DACH2: variants seen among roughly 807,000 people sequenced by gnomAD.
DACH2 encodes the protein dachshund family transcription factor 2.
Under a neutral mutation model 35.8 loss-of-function variants are expected in DACH2, and 17 were observed. That is an observed-to-expected ratio of 0.48 (90% CI 0.33 to 0.71). The LOEUF (loss-of-function observed/expected upper bound fraction) is 0.71, where lower values mean the gene tolerates loss of function less well. Among genes scored for constraint, DACH2 ranks in the 30% least tolerant of loss-of-function variants. The pLI is 0.02. For missense variants in DACH2, 469 were observed against 472.7 expected, an observed-to-expected ratio of 0.99 and a Z score of 0.07; for synonymous variants, 195 against 177.3, an observed-to-expected ratio of 1.10 and a Z score of -0.79.
chrX:86,549,084 A>G (rs1964376612), intron 3 of DACH2, among the ~76,000 whole-genome samples: 1 of 111,731 alleles, frequency 9.0e-6, no homozygotes, highest in South Asian at 3.7e-4. Context: ...TTCATTTAAC[A>G]AAACTAGATG....
chrX:86,782,862 G>A (rs2042101556), intron 7 of DACH2, among the ~76,000 whole-genome samples: 1 of 101,363 alleles, frequency 9.9e-6, no homozygotes, highest in Non-Finnish European at 2.0e-5. Flanking sequence ...AAAATTTCTT[G>A]AGCAATACCC....
Position 86,832,107 on chromosome X carries a change from A to C in DACH2, c.1752A>C (p.Gly584=). Residue 584 remains glycine (G), a splice_region_variant and synonymous_variant, in exon 12 of 12, where the codon GGA becomes GGC. Coordinates refer to ENST00000373125, the MANE Select transcript of DACH2 (RefSeq NM_053281.3). ...GTPHDSAAMQ[G]GNYYCLEMAQ... is the part of the protein sequence containing the mutation. ...TAACTTGTTTTCTTTTTTTTTAAGG[A>C]GGTAACTATTACTGTTTAGAAATGG... The C allele has an allele frequency of 3.4e-6, 4 of 1,176,309 alleles. No homozygotes were observed. The highest frequency in any genetic ancestry group is 4.6e-6 in the Non-Finnish European group (4 of 867,368).
intron 1 of DACH2, among the ~76,000 whole-genome samples, chrX:86,152,610 T>G (rs2147855933): frequency 8.9e-6 from 1 of 111,916 alleles, no homozygotes; most frequent in South Asian, 3.7e-4. Context: ...ATTAAAACTC[T>G]TGACCATTCA....
chrX:86,223,718 G>C (rs758408215), intron 1 of DACH2, among the ~76,000 whole-genome samples: 1 of 111,953 alleles, frequency 8.9e-6, no homozygotes, highest in Non-Finnish European at 1.9e-5. Context: ...CCGTTTTCAA[G>C]AGAAGGTCCA....
chrX:86,246,538 C>G (rs948419514), intron 1 of DACH2, among the ~76,000 whole-genome samples: 2 of 111,767 alleles, frequency 1.8e-5, no homozygotes, highest in African/African-American at 6.5e-5. Context: ...AAAGGAATTC[C>G]AAACAAGAAT....
chrX:86,613,474 T>G (rs2039970195), intron 3 of DACH2, among the ~76,000 whole-genome samples: 1 of 111,841 alleles, frequency 8.9e-6, no homozygotes, highest in Non-Finnish European at 1.9e-5. Flanking sequence ...ACTATTCTGT[T>G]ACTATAGACT....
intron 2 of DACH2, among the ~76,000 whole-genome samples, chrX:86,484,274 T>C (rs1433403629): frequency 1.8e-5 from 2 of 111,834 alleles, no homozygotes; most frequent in Non-Finnish European, 3.8e-5. Context: ...TATCAAAGTA[T>C]AGTCATAGTT....
chrX:86,642,818 C>A (rs918069952), intron 3 of DACH2, among the ~76,000 whole-genome samples: 5 of 111,544 alleles, frequency 4.5e-5, no homozygotes, highest in African/African-American at 1.6e-4. Flanking sequence ...AAAAAACATA[C>A]AATTATATGA....
At chrX:86,177,812 G>C (rs1448290545) in intron 1 of DACH2, among the ~76,000 whole-genome samples, 1 of 109,674 alleles carries the variant, frequency 9.1e-6, no homozygotes, top group Non-Finnish European at 1.9e-5. Flanking sequence ...TTTTAGTTTT[G>C]TGGGATTGAT....
chrX:86,420,995 G>T (rs2036792450), intron 2 of DACH2, among the ~76,000 whole-genome samples: 2 of 110,843 alleles, frequency 1.8e-5, no homozygotes, highest in Non-Finnish European at 3.8e-5. Context: ...GAGTTTTCAG[G>T]AACTGATGGT....
rs777033531 is a variant in DACH2, at chrX:86,539,767, C to T, written c.640+25376C>T. On this transcript the variant is annotated intron_variant, in intron 3 of 11. Transcript: ENST00000373125. Reference sequence around the variant, plus strand: ...TAATGAAGATAATAAGTGTCAGCCTCATACATTTGTTATAAAACTTAAATG... The same window carrying T: ...TAATGAAGATAATAAGTGTCAGCCTTATACATTTGTTATAAAACTTAAATG... 1.6e-3 allele frequency among the ~76,000 whole-genome samples: 182 copies of T among 111,574 alleles called. 1 individual carries two copies. The highest frequency in any genetic ancestry group is 4.1e-3 in the South Asian group (11 of 2,695).
intron 3 of DACH2, among the ~76,000 whole-genome samples, chrX:86,550,238 A>G (rs1002287714): frequency 5.4e-5 from 6 of 111,706 alleles, no homozygotes; most frequent in African/African-American, 1.9e-4. Context: ...GCCAATAAAG[A>G]AAGAATAGAG....
At chrX:86,817,846 T>C (rs777211119) in intron 11 of DACH2, among the ~76,000 whole-genome samples, 1 of 112,220 alleles carries the variant, frequency 8.9e-6, no homozygotes, top group African/African-American at 3.2e-5. Context: ...ATTTTGCATA[T>C]TTACTTGCAC....
At chrX:86,571,885 A>G (rs2039374553) in intron 3 of DACH2, among the ~76,000 whole-genome samples, 1 of 111,407 alleles carries the variant, frequency 9.0e-6, no homozygotes, top group African/African-American at 3.3e-5. Flanking sequence ...GTGCATGGAC[A>G]TATATAGCTC....
At chrX:86,382,376 A>G (rs1459065539) in intron 2 of DACH2, among the ~76,000 whole-genome samples, 2 of 108,765 alleles carry the variant, frequency 1.8e-5, no homozygotes, top group African/African-American at 6.7e-5. Flanking sequence ...AAACTGTCTA[A>G]TATTACAGGA....
intron 3 of DACH2, among the ~76,000 whole-genome samples, chrX:86,518,618 G>A (rs2038507581): frequency 1.8e-5 from 2 of 111,574 alleles, no homozygotes; most frequent in South Asian, 7.5e-4. Flanking sequence ...CACCTCCCTG[G>A]TTAGCTCTAT....
chrX:86,657,404 G>T (rs751516590), intron 4 of DACH2, among the ~76,000 whole-genome samples: 30 of 110,829 alleles, frequency 2.7e-4, no homozygotes, highest in Non-Finnish European at 4.2e-4. Flanking sequence ...AACCTAGTTA[G>T]ATCCACAAAT....
At chrX:86,467,103 A>T (rs1569412165) in intron 2 of DACH2, among the ~76,000 whole-genome samples, 1 of 111,979 alleles carries the variant, frequency 8.9e-6, no homozygotes, top group Non-Finnish European at 1.9e-5. Flanking sequence ...TCCTCAGAAA[A>T]TGAGTTTTTC....
intron 1 of DACH2, among the ~76,000 whole-genome samples, chrX:86,342,605 G>A (rs2035430309): frequency 1.8e-5 from 2 of 109,551 alleles, no homozygotes; most frequent in South Asian, 8.1e-4. Context: ...TAAAGAATTC[G>A]AGACCAGCTT....
Sources: gnomAD v4.1 joint callset for allele counts (sites outside exome capture counted in the v4.1 genomes callset) on GRCh38, gnomAD v4.1.1 for gene constraint, MANE v1.5 for transcripts, NCBI Gene and HGNC (gene_info 2026-07-23, HGNC 2026-07-21) for gene names.